SDK1: variants seen among roughly 807,000 people sequenced by gnomAD.
SDK1 encodes protein sidekick-1.
Under a neutral mutation model 245.5 loss-of-function variants are expected in SDK1, and 157 were observed. The observed-to-expected ratio is 0.64, with a 90% confidence interval of 0.56 to 0.73. The LOEUF is 0.73. Among genes scored for constraint, SDK1 ranks in the 30% least tolerant of loss-of-function variants. SDK1 has a pLI of 0.00. For missense variants in SDK1, 3,583 were observed against 3,002.3 expected (o/e 1.19, Z -4.52); for synonymous variants, 1,647 against 1,278.5 (o/e 1.29, Z -6.15).
At chr7:3,850,557 C>T (rs1402956880) in intron 5 of SDK1, among the ~76,000 whole-genome samples, 7 of 152,174 alleles carry the variant, frequency 4.6e-5, no homozygotes, top group East Asian at 3.9e-4. Context: ...CACATGCACA[C>T]GTATGTTTAT....
At chr7:3,610,496 G>T (rs987000357) in intron 1 of SDK1, among the ~76,000 whole-genome samples, 1 of 152,196 alleles carries the variant, frequency 6.6e-6, no homozygotes, top group Non-Finnish European at 1.5e-5. Context: ...AAATATTGGA[G>T]AGCTGGAAGC....
At chr7:3,587,699 A>G (rs896780069) in intron 1 of SDK1, among the ~76,000 whole-genome samples, 1 of 152,208 alleles carries the variant, frequency 6.6e-6, no homozygotes, top group Non-Finnish European at 1.5e-5. Context: ...CTTCACAGAC[A>G]CACCCAGGAA....
intron 17 of SDK1, among the ~76,000 whole-genome samples, chr7:4,039,516 T>G (rs10255116): frequency 0.31 from 47,740 of 152,078 alleles, 11,732 homozygotes; most frequent in African/African-American, 0.69. Flanking sequence ...TAAATCAAGT[T>G]GAAAAATTCA....
chr7:3,345,925 A>C (rs1583715104), intron 1 of SDK1, among the ~76,000 whole-genome samples: 1 of 152,188 alleles, frequency 6.6e-6, no homozygotes, highest in Non-Finnish European at 1.5e-5. Flanking sequence ...TTGCAGTGTC[A>C]TCACCCACTG....
chr7:3,347,793 G>T (rs893378804), intron 1 of SDK1, among the ~76,000 whole-genome samples: 3 of 152,124 alleles, frequency 2.0e-5, no homozygotes, highest in African/African-American at 7.2e-5. Context: ...GCCTGAAAGA[G>T]TTAATACAAG....
intron 1 of SDK1, among the ~76,000 whole-genome samples, chr7:3,412,506 AATTT>A (rs1779238384): frequency 6.6e-6 from 1 of 152,186 alleles, no homozygotes; most frequent in Admixed American, 6.5e-5. Context: ...TTTATACCAT[AATTT>A]ATTTAACCAG....
At chr7:3,416,851 A>G (rs113699034) in intron 1 of SDK1, among the ~76,000 whole-genome samples, 19 of 152,250 alleles carry the variant, frequency 1.2e-4, no homozygotes, top group Non-Finnish European at 1.8e-4. Context: ...GGTTATGCCC[A>G]GTTGGTTAGA....
chr7:3,838,641 C>A (rs1780082031), intron 5 of SDK1, among the ~76,000 whole-genome samples: 1 of 152,124 alleles, frequency 6.6e-6, no homozygotes, highest in Non-Finnish European at 1.5e-5. Flanking sequence ...CACTGATGGT[C>A]CGGTGTTGCC....
At chr7:3,865,840 T>C in intron 5 of SDK1, among the ~76,000 whole-genome samples, 1 of 152,176 alleles carries the variant, frequency 6.6e-6, no homozygotes, top group East Asian at 1.9e-4. Flanking sequence ...ATTTTTCTTC[T>C]AAATAACCCA....
At position 4,266,333 on chromosome 7, in the gene SDK1, A is replaced by T; in HGVS notation, c.*949A>T. On this transcript the variant is annotated 3_prime_UTR_variant, in exon 45 of 45. Coordinates refer to ENST00000404826, the MANE Select transcript of SDK1 (RefSeq NM_152744.4). ...TGCTGTCTCCAGGTGCCTTTTTATT[A>T]ATTGTTCAGCTTTGTACATGGGAAA... 1.0e-6 allele frequency: 1 copy of T among 985,434 alleles called. No individual in the cohort carries two copies. Among genetic ancestry groups the T allele is most frequent in the Non-Finnish European group, 1.2e-6 (1 of 829,924 alleles). The allele number at this position is 985,434 out of a possible 1,614,324, so 61.0% of individuals were successfully genotyped here.
chr7:3,837,442 C>A (rs1180088713), intron 5 of SDK1, among the ~76,000 whole-genome samples: 1 of 152,130 alleles, frequency 6.6e-6, no homozygotes, highest in African/African-American at 2.4e-5. Context: ...CTGTGGAGGG[C>A]TCTATTCTTT....
At chr7:4,034,273 C>T (rs906578672) in intron 17 of SDK1, among the ~76,000 whole-genome samples, 2 of 152,190 alleles carry the variant, frequency 1.3e-5, no homozygotes, top group Non-Finnish European at 2.9e-5. Flanking sequence ...CTAAATGCAG[C>T]ATACGATCAA....
At chr7:3,346,807 G>GTGTGTATA (rs796252256) in intron 1 of SDK1, among the ~76,000 whole-genome samples, 4 of 42,224 alleles carry the variant, frequency 9.5e-5, no homozygotes, top group East Asian at 7.6e-4. Flanking sequence ...GTGTGTGTGT[G>GTGTGTATA]TATATATATA....
intron 1 of SDK1, among the ~76,000 whole-genome samples, chr7:3,524,942 C>A (rs1387730475): frequency 6.6e-6 from 1 of 152,090 alleles, no homozygotes; most frequent in East Asian, 1.9e-4. Flanking sequence ...TTACAATTGA[C>A]CTCCCCATGT....
Position 3,950,935 on chromosome 7 carries a change from C to T in SDK1, c.860C>T (p.Thr287Ile). 1 of 1,613,688 alleles carries T rather than the reference C, an allele frequency of 6.2e-7. No homozygotes were observed. The highest frequency in any genetic ancestry group is 1.1e-5 in the South Asian group (1 of 91,056). Residue 287 changes from threonine to isoleucine, a missense_variant, in exon 6 of 45, where the codon ACA (threonine) becomes ATA (isoleucine). Coordinates refer to ENST00000404826, the MANE Select transcript of SDK1 (RefSeq NM_152744.4). ...TTCTCTGCCACAGGAGATGTTGGCA[C>T]ACCTGAAACCATGGCCCCAACCATT... The part of the protein sequence containing the change: ...IHLSIARDVG[T>I]PETMAPTIVV...
At chr7:4,054,788 T>C (rs1410347004) in intron 19 of SDK1, among the ~76,000 whole-genome samples, 1 of 152,210 alleles carries the variant, frequency 6.6e-6, no homozygotes, top group Non-Finnish European at 1.5e-5. Context: ...CTATTGCTAA[T>C]TGGTTCTGAG....
At chr7:4,225,836 C>A (rs1381269099) in intron 40 of SDK1, among the ~76,000 whole-genome samples, 2 of 152,044 alleles carry the variant, frequency 1.3e-5, no homozygotes, top group Admixed American at 1.3e-4. Flanking sequence ...CCAGCTTTTT[C>A]GGCGAGGGCT....
chr7:4,046,182 T>G (rs890165238), intron 17 of SDK1, among the ~76,000 whole-genome samples: 4 of 151,954 alleles, frequency 2.6e-5, no homozygotes, highest in African/African-American at 9.7e-5. Context: ...CCTCAAGCGA[T>G]CCTCCTACCT....
At chr7:3,578,420 C>T (rs1562576369) in intron 1 of SDK1, among the ~76,000 whole-genome samples, 1 of 152,034 alleles carries the variant, frequency 6.6e-6, no homozygotes, top group Non-Finnish European at 1.5e-5. Flanking sequence ...GGTCTATGTT[C>T]AGCTGTGCAC....
Sources: allele counts gnomAD v4.1 joint callset (sites outside exome capture counted in the v4.1 genomes callset), GRCh38; gene constraint gnomAD v4.1.1; transcripts MANE v1.5; gene names NCBI Gene and HGNC (gene_info 2026-07-23, HGNC 2026-07-21).